The following BNC2 variants were observed in gnomAD, a reference collection of about 807,000 sequenced individuals.
The protein encoded by BNC2 is zinc finger protein basonuclin-2.
Under a neutral mutation model 76.3 loss-of-function variants are expected in BNC2, and 20 were observed. The ratio of observed to expected loss-of-function variants is 0.26; its 90% CI spans 0.18 to 0.38. BNC2 has a LOEUF of 0.38. BNC2 is among the 10% of genes least tolerant of loss of function. The pLI, the probability that BNC2 is intolerant of heterozygous loss-of-function variation, is 1.00. For synonymous variants in BNC2, 582 were observed against 514.8 expected (o/e 1.13, Z -1.77); for missense variants, 1,382 against 1,399.8 (o/e 0.99, Z 0.20).
At chr9:16,823,372 C>G (rs1229687726) in intron 1 of BNC2, among the ~76,000 whole-genome samples, 1 of 145,762 alleles carries the variant, frequency 6.9e-6, no homozygotes, top group African/African-American at 2.5e-5. Flanking sequence ...GGGAGGATCA[C>G]TTGAGCTCAG....
intron 3 of BNC2, among the ~76,000 whole-genome samples, chr9:16,710,123 TA>T (rs35708054): frequency 0.59 from 87,986 of 149,084 alleles, 29,319 homozygotes; most frequent in Non-Finnish European, 0.78. Flanking sequence ...GTTCAACATT[TA>T]AAAAAAAAAA....
chr9:16,766,515 C>A (rs1199147571), intron 1 of BNC2, among the ~76,000 whole-genome samples: 7 of 152,180 alleles, frequency 4.6e-5, no homozygotes, highest in African/African-American at 1.7e-4. Flanking sequence ...TGAAAAATTT[C>A]TATCTAACTA....
chr9:16,556,463 T>A (rs1226348427), intron 4 of BNC2, among the ~76,000 whole-genome samples: 2 of 151,204 alleles, frequency 1.3e-5, no homozygotes, highest in Non-Finnish European at 3.0e-5. Context: ...GAGCCATAGA[T>A]GAAGACTTAA....
intron 1 of BNC2, among the ~76,000 whole-genome samples, chr9:16,753,188 A>C (rs974740355): frequency 1.3e-5 from 2 of 152,246 alleles, no homozygotes; most frequent in Non-Finnish European, 2.9e-5. Flanking sequence ...CCAAATGTGT[A>C]AGCATAAAAC....
At chr9:16,514,042 A>G (rs1156559654) in intron 5 of BNC2, among the ~76,000 whole-genome samples, 3 of 152,318 alleles carry the variant, frequency 2.0e-5, no homozygotes, top group South Asian at 4.1e-4. Context: ...ACGTGTGGCT[A>G]TCTCCTGCAA....
chr9:16,754,556 A>ATT lies in BNC2; in HGVS notation c.4-16073_4-16072dup, dbSNP rs35261422. On this transcript the variant is annotated intron_variant, in intron 1 of 6. Coordinates refer to ENST00000380672, the MANE Select transcript of BNC2 (RefSeq NM_017637.6). The stretch of plus-strand genomic sequence containing the variant: ...GGTTCAGTTATAGATTCAAATAGTC[A>ATT]TTTTTTTTTCTTTTTTCTTGAGACA... Among the ~76,000 whole-genome samples, 30 of 151,092 alleles carry ATT rather than the reference A, an allele frequency of 2.0e-4. 2 individuals carry two copies. In the South Asian group the frequency reaches 4.0e-3, roughly 20 times the overall value.
intron 4 of BNC2, among the ~76,000 whole-genome samples, chr9:16,570,547 C>G (rs1211085704): frequency 2.0e-5 from 3 of 152,046 alleles, no homozygotes; most frequent in Non-Finnish European, 4.4e-5. Context: ...ATAAAAAGAC[C>G]CTATGTAAAG....
intron 4 of BNC2, among the ~76,000 whole-genome samples, chr9:16,553,799 T>C (rs1818738046): frequency 6.6e-6 from 1 of 152,236 alleles, no homozygotes; most frequent in Non-Finnish European, 1.5e-5. Context: ...ACCCTATTGC[T>C]GATAATATAA....
intron 3 of BNC2, among the ~76,000 whole-genome samples, chr9:16,682,344 C>T (rs532023256): frequency 2.9e-4 from 36 of 125,118 alleles, no homozygotes; most frequent in Middle Eastern, 4.1e-3. Context: ...CGACAGACTT[C>T]GATGAGCAGC....
intron 4 of BNC2, among the ~76,000 whole-genome samples, chr9:16,572,751 T>C (rs1172298668): frequency 6.6e-6 from 1 of 151,984 alleles, no homozygotes; most frequent in Non-Finnish European, 1.5e-5. Flanking sequence ...GCAGCAAGCG[T>C]CAAAGTACGA....
At chr9:16,856,945 G>A (rs1819273028) in intron 1 of BNC2, among the ~76,000 whole-genome samples, 3 of 152,086 alleles carry the variant, frequency 2.0e-5, no homozygotes, top group South Asian at 4.1e-4. Context: ...TATTGTTTCA[G>A]TTACTTACAT....
chr9:16,464,799 T>C (rs1245365895), intron 5 of BNC2, among the ~76,000 whole-genome samples: 1 of 152,210 alleles, frequency 6.6e-6, no homozygotes, highest in East Asian at 1.9e-4. Context: ...ATTCATCTCC[T>C]ATCCTTTCTA....
Position 16,412,356 on chromosome 9 carries a change from C to A in BNC2, c.*6633G>T, listed in dbSNP as rs1820479881. On this transcript the variant is annotated 3_prime_UTR_variant, in exon 7 of 7. Transcript: ENST00000380672. ...AAAAAAAATGACCACTGTGCGTAAC[C>A]AGTTTACAACATGTGCACTTTTTGA... 6.6e-6 allele frequency: 1 copy of A among 152,592 alleles called. No homozygotes were observed. The highest frequency in any genetic ancestry group is 1.5e-5 in the Non-Finnish European group (1 of 68,018). 9.5% of individuals were successfully genotyped at this position (152,592 alleles called of 1,614,324 possible). A position where few individuals can be genotyped will look rare whatever the true frequency, so the allele number is the denominator to read the frequency against.
intron 4 of BNC2, among the ~76,000 whole-genome samples, chr9:16,563,883 T>C (rs950237446): frequency 2.0e-5 from 3 of 152,224 alleles, no homozygotes; most frequent in Non-Finnish European, 4.4e-5. Context: ...AAAAACCCAC[T>C]TTATGTTTAA....
At chr9:16,432,184 A>C (rs183341683) in intron 6 of BNC2, among the ~76,000 whole-genome samples, 7 of 152,338 alleles carry the variant, frequency 4.6e-5, no homozygotes, top group Admixed American at 2.0e-4. Context: ...GAATTTGTTA[A>C]ACACACACTC....
At chr9:16,732,236 G>A (rs1391953568) in intron 2 of BNC2, among the ~76,000 whole-genome samples, 2 of 151,218 alleles carry the variant, frequency 1.3e-5, no homozygotes, top group African/African-American at 2.4e-5. Context: ...ACATGAAAAC[G>A]CAAGTGAGCA....
At chr9:16,451,603 C>T (rs76521713) in intron 5 of BNC2, among the ~76,000 whole-genome samples, 1,632 of 152,248 alleles carry the variant, frequency 0.011, 12 homozygotes, top group Non-Finnish European at 0.017. Context: ...CTGAACACTA[C>T]AAAATCTCAC....
At chr9:16,495,449 G>A (rs776140897) in intron 5 of BNC2, among the ~76,000 whole-genome samples, 7 of 152,198 alleles carry the variant, frequency 4.6e-5, no homozygotes, top group Non-Finnish European at 1.0e-4. Flanking sequence ...TGACGTGAAT[G>A]TCAATCTGAA....
chr9:16,862,047 A>C (rs2136212316), intron 1 of BNC2, among the ~76,000 whole-genome samples: 1 of 152,100 alleles, frequency 6.6e-6, no homozygotes, highest in Middle Eastern at 3.4e-3. Flanking sequence ...GAGAGACTGG[A>C]AGAATTATAC....
Sources: gnomAD v4.1 joint callset for allele counts (sites outside exome capture counted in the v4.1 genomes callset) on GRCh38, gnomAD v4.1.1 for gene constraint, MANE v1.5 for transcripts, NCBI Gene and HGNC (gene_info 2026-07-23, HGNC 2026-07-21) for gene names.